The following BTBD10 variants were observed in gnomAD, a reference collection of about 807,000 sequenced individuals.
BTBD10 encodes the protein BTB domain containing 10.
Under a neutral mutation model 53.2 loss-of-function variants are expected in BTBD10, and 21 were observed. The ratio of observed to expected loss-of-function variants is 0.39; its 90% confidence interval spans 0.28 to 0.57. The LOEUF is 0.57. BTBD10 is among the 20% of genes least tolerant of loss of function. The pLI is 0.53. For synonymous variants in BTBD10, 149 were observed against 192.7 expected (o/e 0.77, Z 1.88); for missense variants, 360 against 594.7 (o/e 0.61, Z 4.10).
intron 1 of BTBD10, among the ~76,000 whole-genome samples, chr11:13,460,912 A>C: frequency 6.6e-6 from 1 of 152,248 alleles, no homozygotes; most frequent in East Asian, 1.9e-4. Flanking sequence ...CAATTTCTGT[A>C]CAAGATACCT....
chr11:13,440,079 C>A, intron 2 of BTBD10: 1 of 1,525,350 alleles, frequency 6.6e-7, no homozygotes, highest in Non-Finnish European at 8.8e-7. Context: ...AGAAAATTCC[C>A]CAGTCTCCCC....
chr11:13,443,201 T>C (rs1950692205), intron 2 of BTBD10, among the ~76,000 whole-genome samples: 1 of 151,578 alleles, frequency 6.6e-6, no homozygotes, highest in Admixed American at 6.6e-5. Flanking sequence ...TTGCAGTAAG[T>C]TGAGATGGTG....
chr11:13,462,264 G>T (rs1325769587), intron 1 of BTBD10, among the ~76,000 whole-genome samples: 1 of 152,120 alleles, frequency 6.6e-6, no homozygotes. Flanking sequence ...TTAATATCCT[G>T]TGCTGTTTCA....
intron 2 of BTBD10, among the ~76,000 whole-genome samples, chr11:13,426,930 T>C (rs755074651): frequency 6.6e-6 from 1 of 152,170 alleles, no homozygotes; most frequent in Non-Finnish European, 1.5e-5. Flanking sequence ...ATGTAAACTG[T>C]CTAAACCATA....
At chr11:13,396,289 C>G (rs1425165243) in intron 8 of BTBD10, among the ~76,000 whole-genome samples, 1 of 152,140 alleles carries the variant, frequency 6.6e-6, no homozygotes, top group African/African-American at 2.4e-5. Context: ...GTATTTTACT[C>G]TCTTTGAAGC....
At chr11:13,394,896 T>G (rs1444035798) in intron 8 of BTBD10, among the ~76,000 whole-genome samples, 3 of 151,882 alleles carry the variant, frequency 2.0e-5, no homozygotes, top group African/African-American at 7.2e-5. Context: ...GGCTGCATAG[T>G]ATTCCATGGT....
intron 8 of BTBD10, among the ~76,000 whole-genome samples, chr11:13,400,725 A>G (rs1366103136): frequency 6.6e-6 from 1 of 152,300 alleles, no homozygotes; most frequent in South Asian, 2.1e-4. Flanking sequence ...CCGTGAGAAA[A>G]CGGACTAATA....
intron 8 of BTBD10, among the ~76,000 whole-genome samples, chr11:13,400,145 G>T (rs193285551): frequency 6.6e-6 from 1 of 152,210 alleles, no homozygotes; most frequent in Non-Finnish European, 1.5e-5. Context: ...GCCCCCAAAG[G>T]GGGAGCCTAC....
In BTBD10 at chr11:13,388,780, TACA is replaced by T; in HGVS notation, c.*48_*50del. 6.5e-7 allele frequency: 1 copy of T among 1,549,608 alleles called. No individual in the cohort carries two copies. The highest frequency in any genetic ancestry group is 8.8e-7 in the Non-Finnish European group (1 of 1,141,106). On this transcript the variant is annotated 3_prime_UTR_variant, in exon 9 of 9. Transcript: ENST00000278174. ...GCCTTGCAGTGCAGAATGAGGAGAG[TACA>T]ACGTCACTGTGAAGAGTAGCATGCT...
At chr11:13,429,305 A>G (rs986542985) in intron 2 of BTBD10, among the ~76,000 whole-genome samples, 2 of 152,300 alleles carry the variant, frequency 1.3e-5, no homozygotes, top group South Asian at 2.1e-4. Flanking sequence ...TCCAAAATTC[A>G]TATGAATACG....
chr11:13,456,519 A>C (rs1418910874), intron 1 of BTBD10, among the ~76,000 whole-genome samples: 1 of 152,236 alleles, frequency 6.6e-6, no homozygotes, highest in Non-Finnish European at 1.5e-5. Flanking sequence ...ACCGGGAAGG[A>C]GAGAAAGCCT....
rs180839926 is a variant in BTBD10, at chr11:13,442,888, T to G, written c.101+2136A>C. ...TACTTTTTAAGTGTCCTAAGTTATA[T>G]GTTCCTAAGCATATGGGACAGGAGG... On this transcript the variant is annotated intron_variant, in intron 2 of 8. Transcript: ENST00000278174. Among the ~76,000 whole-genome samples, 405 of 152,310 alleles carry G rather than the reference T, an allele frequency of 2.7e-3. 1 individual carries two copies. Among genetic ancestry groups the G allele is most frequent in the Non-Finnish European group, 4.5e-3 (308 of 68,018 alleles).
At chr11:13,430,964 T>C (rs1382980918) in intron 2 of BTBD10, among the ~76,000 whole-genome samples, 3 of 79,814 alleles carry the variant, frequency 3.8e-5, no homozygotes, top group Non-Finnish European at 8.2e-5. Flanking sequence ...TAAGGTTTTA[T>C]GGAGATACAT....
At chr11:13,454,738 AAAAAT>A (rs1167140967) in intron 1 of BTBD10, among the ~76,000 whole-genome samples, 3 of 150,538 alleles carry the variant, frequency 2.0e-5, no homozygotes, top group Non-Finnish European at 4.4e-5. Flanking sequence ...AAAGATTTTT[AAAAAT>A]AAAATAAAAT....
chr11:13,426,083 T>C lies in BTBD10; in HGVS notation c.102-4245A>G, dbSNP rs1274786407. Among the ~76,000 whole-genome samples the C allele has an allele frequency of 2.0e-5, 3 of 151,738 alleles. No individual in the cohort carries two copies. In the South Asian group the frequency reaches 6.2e-4, roughly 32 times the overall value. On this transcript the variant is annotated intron_variant, in intron 2 of 8. Transcript: ENST00000278174. ...GTGTAAATGGAGTCCATGAAGGAAG[T>C]GGGAAGGAAAAAAGGGAAGTAATAT...
chr11:13,414,852 A>AAC (rs1555021904), intron 5 of BTBD10, among the ~76,000 whole-genome samples: 1 of 149,692 alleles, frequency 6.7e-6, no homozygotes, highest in Non-Finnish European at 1.5e-5. Context: ...ACGAAAAAAA[A>AAC]AAAAAAAAAA....
At chr11:13,401,846 C>T (rs1003134405) in intron 8 of BTBD10, among the ~76,000 whole-genome samples, 2 of 152,168 alleles carry the variant, frequency 1.3e-5, no homozygotes, top group Non-Finnish European at 2.9e-5. Context: ...AACTTTCAGA[C>T]CAACTATATC....
chr11:13,436,197 G>C (rs2134010411), intron 2 of BTBD10, among the ~76,000 whole-genome samples: 2 of 152,294 alleles, frequency 1.3e-5, no homozygotes, highest in Middle Eastern at 3.4e-3. Context: ...TTCTAGCCTT[G>C]GAAAGTTCTG....
chr11:13,408,593 C>T lies in BTBD10; in HGVS notation c.809-2737G>A, dbSNP rs75634825. 2.0e-5 allele frequency among the ~76,000 whole-genome samples: 3 copies of T among 152,260 alleles called. No individual in the cohort carries two copies. The East Asian group carries it at 5.8e-4, about 29-fold the overall frequency. On this transcript the variant is annotated intron_variant, in intron 6 of 8. Coordinates refer to ENST00000278174, the MANE Select transcript of BTBD10 (RefSeq NM_032320.7). ...TATCTAACAGGTATTTCAAACTTAA[C>T]GTGTTCAAAATCAAGCTTTTAGATT...
Sources: allele counts gnomAD v4.1 joint callset (sites outside exome capture counted in the v4.1 genomes callset), GRCh38; gene constraint gnomAD v4.1.1; transcripts MANE v1.5; gene names NCBI Gene and HGNC (gene_info 2026-07-23, HGNC 2026-07-21).